Variants in CDIN1 observed in about 807,000 individuals in gnomAD.
CDIN1 encodes CDAN1-interacting nuclease 1.
A neutral mutation model predicts 45.3 loss-of-function variants in CDIN1; 33 were observed. The observed-to-expected ratio is 0.73, with a 90% CI of 0.55 to 0.97. CDIN1 has a LOEUF of 0.97. Among genes scored for constraint, CDIN1 ranks in the 50% least tolerant of loss-of-function variants. CDIN1 has a pLI of 0.00. For missense variants in CDIN1, 303 were observed against 339.4 expected, an observed-to-expected ratio of 0.89 and a Z score of 0.84; for synonymous variants, 118 against 124.4, an observed-to-expected ratio of 0.95 and a Z score of 0.34.
intron 8 of CDIN1, chr15:36,708,342 C>A (rs2042941086): frequency 6.6e-6 from 1 of 152,082 alleles, no homozygotes. Context: ...GACAGAAAGC[C>A]ATGTCTGGAA....
intron 8 of CDIN1, 73 bp from the exon 9 acceptor site, chr15:36,709,150 A>T: frequency 7.8e-7 from 1 of 1,282,272 alleles, no homozygotes. Flanking sequence ...ATATTTAAGA[A>T]ATAAAAACAA....
chr15:36,645,997 T>C (rs2040312757), intron 3 of CDIN1, among the ~76,000 whole-genome samples: 1 of 152,154 alleles, frequency 6.6e-6, no homozygotes, highest in Non-Finnish European at 1.5e-5. Context: ...ATTTGTATTG[T>C]CATTGTAATA....
At chr15:36,647,466 A>T (rs954650989) in intron 3 of CDIN1, 2 of 152,204 alleles carry the variant, frequency 1.3e-5, no homozygotes, top group Non-Finnish European at 2.9e-5. Context: ...AAACAAAAAC[A>T]TGAAGTTAGA....
At chr15:36,586,619 T>G (rs2037312690) in intron 1 of CDIN1, among the ~76,000 whole-genome samples, 1 of 152,204 alleles carries the variant, frequency 6.6e-6, no homozygotes, top group South Asian at 2.1e-4. Flanking sequence ...GCTGGGCACC[T>G]GTAGTCCTAG....
At chr15:36,679,160 A>G (rs1414099388) in intron 5 of CDIN1, among the ~76,000 whole-genome samples, 6 of 152,306 alleles carry the variant, frequency 3.9e-5, no homozygotes, top group African/African-American at 1.4e-4. Context: ...AGTGCCACAA[A>G]AGAGTGTGTA....
chr15:36,655,969 T>C (rs192025671), intron 4 of CDIN1, among the ~76,000 whole-genome samples: 3 of 152,326 alleles, frequency 2.0e-5, no homozygotes, highest in Non-Finnish European at 4.4e-5. Context: ...TTCTCCTACA[T>C]CAATAAACCT....
At position 36,808,511 on chromosome 15, in the gene CDIN1, C is replaced by T. The variant is rs766361656; in HGVS notation, c.*58C>T. 2 of 1,592,492 alleles carry T rather than the reference C, an allele frequency of 1.3e-6. No homozygotes were observed. The highest frequency in any genetic ancestry group is 4.5e-5 in the East Asian group (2 of 44,110). ...AAAGGTGAATCCGGAAGCAATTTTA[C>T]TTTCCTGCACTGTAAGATCCTGGCA... On this transcript the variant is annotated 3_prime_UTR_variant, in exon 11 of 11. Transcript: ENST00000566621.
intron 5 of CDIN1, among the ~76,000 whole-genome samples, chr15:36,664,166 A>G (rs987216093): frequency 6.6e-6 from 1 of 152,176 alleles, no homozygotes. Context: ...TTTGAATGAG[A>G]GAAGGGAAAA....
chr15:36,747,394 A>T (rs2044484202), intron 10 of CDIN1, among the ~76,000 whole-genome samples: 1 of 152,160 alleles, frequency 6.6e-6, no homozygotes, highest in South Asian at 2.1e-4. Flanking sequence ...GTTTTCATTT[A>T]TTCCATGCTC....
At chr15:36,586,143 C>T (rs2037286660) in intron 1 of CDIN1, among the ~76,000 whole-genome samples, 1 of 151,576 alleles carries the variant, frequency 6.6e-6, no homozygotes, top group Non-Finnish European at 1.5e-5. Context: ...TTCCCTAATT[C>T]TTCATTTTGA....
At chr15:36,613,735 G>A (rs1364709465) in intron 1 of CDIN1, 3 of 1,577,236 alleles carry the variant, frequency 1.9e-6, no homozygotes, top group Non-Finnish European at 2.6e-6. Flanking sequence ...ATGAGAGTGA[G>A]ACAGGTATGA....
At chr15:36,716,778 C>G (rs980632842) in intron 10 of CDIN1, among the ~76,000 whole-genome samples, 1 of 152,182 alleles carries the variant, frequency 6.6e-6, no homozygotes, top group African/African-American at 2.4e-5. Flanking sequence ...TGCTTCCAAA[C>G]AGAGTCTTCA....
chr15:36,626,676 A>G lies in CDIN1; in HGVS notation c.102-17602A>G, dbSNP rs80002294. 2,112 of 399,878 alleles carry G rather than the reference A, an allele frequency of 5.3e-3. 47 individuals are homozygous for G. The highest frequency in any genetic ancestry group is 0.042 in the African/African-American group (2,014 of 47,684). 24.8% of individuals were successfully genotyped at this position (399,878 alleles called of 1,614,324 possible). On this transcript the variant is annotated intron_variant, in intron 1 of 10. Transcript: ENST00000566621. ...AGCCATTTGCAGAGATCTGGAAATC[A>G]TGAGCTTCCTAAGTGGGAGGAGGTG...
chr15:36,640,932 C>T (rs1367482260), intron 1 of CDIN1, among the ~76,000 whole-genome samples: 3 of 152,076 alleles, frequency 2.0e-5, no homozygotes, highest in Non-Finnish European at 4.4e-5. Flanking sequence ...GAAATAGTAC[C>T]CCGTTAATGT....
chr15:36,626,134 T>C (rs551581371), intron 1 of CDIN1, among the ~76,000 whole-genome samples: 3 of 151,508 alleles, frequency 2.0e-5, no homozygotes, highest in Non-Finnish European at 4.4e-5. Context: ...TATTATGTGA[T>C]ATATATAATT....
intron 10 of CDIN1, among the ~76,000 whole-genome samples, chr15:36,731,508 T>C (rs887175957): frequency 1.6e-4 from 25 of 152,140 alleles, no homozygotes; most frequent in African/African-American, 6.0e-4. Flanking sequence ...ATTAAGCCAG[T>C]CTTATATATG....
At chr15:36,606,005 G>A (rs1448113344) in intron 1 of CDIN1, among the ~76,000 whole-genome samples, 1 of 152,070 alleles carries the variant, frequency 6.6e-6, no homozygotes, top group African/African-American at 2.4e-5. Context: ...TGCTTCATTA[G>A]CGTGCTTGAG....
chr15:36,666,562 C>T (rs908345062), intron 5 of CDIN1, among the ~76,000 whole-genome samples: 1 of 152,018 alleles, frequency 6.6e-6, no homozygotes, highest in Non-Finnish European at 1.5e-5. Flanking sequence ...GTTATTTTCT[C>T]CCATTTGATT....
At chr15:36,802,659 G>A (rs534944806) in intron 10 of CDIN1, among the ~76,000 whole-genome samples, 150 of 151,968 alleles carry the variant, frequency 9.9e-4, no homozygotes, top group Non-Finnish European at 1.9e-3. Flanking sequence ...GGAAAGGGGA[G>A]TATTTAGTTT....
Sources: gnomAD v4.1 joint callset for allele counts (sites outside exome capture counted in the v4.1 genomes callset) on GRCh38, gnomAD v4.1.1 for gene constraint, MANE v1.5 for transcripts, NCBI Gene and HGNC (gene_info 2026-07-23, HGNC 2026-07-21) for gene names.